Variants in OLFML1 observed in about 807,000 individuals in gnomAD.
OLFML1 encodes olfactomedin like 1, also known as olfactomedin-like protein 1.
OLFML1 carries 33 observed loss-of-function variants against 37.3 expected under a neutral mutation model. The ratio of observed to expected loss-of-function variants is 0.88; its 90% confidence interval spans 0.67 to 1.18. OLFML1 has a LOEUF of 1.18. OLFML1 is among the 50% of genes most tolerant of loss of function. The pLI is 0.00. For missense variants in OLFML1, 545 were observed against 483.7 expected (o/e 1.13, Z -1.19); for synonymous variants, 186 against 181.3 (o/e 1.03, Z -0.21).
chr11:7,500,444 C>T (rs894313650), intron 2 of OLFML1, among the ~76,000 whole-genome samples: 44 of 152,146 alleles, frequency 2.9e-4, no homozygotes, highest in Admixed American at 1.0e-3. Context: ...CATACATACA[C>T]GTCACCATGC....
At chr11:7,486,716 T>A (rs1281429201) in intron 1 of OLFML1, among the ~76,000 whole-genome samples, 1 of 152,238 alleles carries the variant, frequency 6.6e-6, no homozygotes, top group African/African-American at 2.4e-5. Flanking sequence ...TTATTCATAC[T>A]TAATGGCTTG....
At chr11:7,501,877 G>C (rs4542387) in intron 2 of OLFML1, among the ~76,000 whole-genome samples, 15,190 of 152,156 alleles carry the variant, frequency 0.1, 927 homozygotes, top group Admixed American at 0.16. Flanking sequence ...CCAACTCACT[G>C]AGTTAGGCAT....
At chr11:7,488,527 T>C in intron 2 of OLFML1, 112 bp downstream of exon 2, 1 of 781,708 alleles carries the variant, frequency 1.3e-6, no homozygotes, top group Non-Finnish European at 2.0e-6. Context: ...GAATTGGAGG[T>C]GTGCTTTTGT....
chr11:7,509,898 T>C lies in OLFML1; in HGVS notation c.919T>C (p.Ser307Pro), dbSNP rs1216072864. ...GCCGGGCACACTGGGAGTGGAGCAT[T>C]CATGGGATACCCCATGCAGAAGCCA... ...IEPGTLGVEHSWDTPCRSQDA... is the reference protein window; with the variant it reads ...IEPGTLGVEHPWDTPCRSQDA... Residue 307 changes from serine to proline, a missense_variant, in exon 3 of 3, where the codon TCA becomes CCA. Transcript: ENST00000329293. 6.2e-7 allele frequency: 1 copy of C among 1,614,088 alleles called. No homozygotes were observed. Among genetic ancestry groups the C allele is most frequent in the African/African-American group, 1.3e-5 (1 of 74,918 alleles).
At position 7,488,385 on chromosome 11, in the gene OLFML1, G is replaced by A. The variant is rs750648244; in HGVS notation, c.388G>A (p.Glu130Lys). 6.2e-7 allele frequency: 1 copy of A among 1,613,802 alleles called. No homozygotes were observed. The highest frequency in any genetic ancestry group is 8.5e-7 in the Non-Finnish European group (1 of 1,179,888). The change falls in exon 2 of 3, where the codon GAG (glutamate) becomes AAG (lysine). Residue 130 changes from glutamate to lysine, a missense_variant. Transcript: ENST00000329293. ...AEMLLQEAEEEKKIRTLLNAS... is the reference protein window; with the variant it reads ...AEMLLQEAEEKKKIRTLLNAS... ...AATGTTGCTCCAAGAAGCTGAAGAA[G>A]AGAAAAAGATCCGGACTCTGCTGAA... is the stretch of plus-strand genomic sequence containing the variant.
intron 2 of OLFML1, among the ~76,000 whole-genome samples, chr11:7,496,797 A>G (rs1452121010): frequency 3.9e-5 from 6 of 152,214 alleles, no homozygotes; most frequent in Admixed American, 6.5e-5. Flanking sequence ...GAATGGTTAC[A>G]ATGTTGTTGC....
chr11:7,488,199 T>C lies in OLFML1; in HGVS notation c.202T>C (p.Ser68Pro). 2 of 1,613,824 alleles carry C rather than the reference T, an allele frequency of 1.2e-6. No homozygotes were observed. The highest frequency in any genetic ancestry group is 1.7e-6 in the Non-Finnish European group (2 of 1,179,834). ...QEFQEFSKNISVMLGRCQTYT... is the reference protein window; with the variant it reads ...QEFQEFSKNIPVMLGRCQTYT... ...ATTCCAAGAGTTCTCAAAAAATATA[T>C]CTGTCATGCTGGGAAGATGTCAGAC... The change falls in exon 2 of 3, where the codon TCT (serine) becomes CCT (proline). Residue 68 changes from serine to proline, a missense_variant. By Grantham distance (74) the Ser-to-Pro change is moderately conservative. Coordinates refer to ENST00000329293, the MANE Select transcript of OLFML1 (RefSeq NM_198474.4).
intron 2 of OLFML1, among the ~76,000 whole-genome samples, chr11:7,507,651 T>C (rs2134188236): frequency 1.3e-5 from 2 of 151,986 alleles, no homozygotes; most frequent in South Asian, 4.2e-4. Context: ...TGGGTTCAAG[T>C]GATTCTCCTG....
At chr11:7,501,450 C>A (rs1424520644) in intron 2 of OLFML1, among the ~76,000 whole-genome samples, 2 of 152,232 alleles carry the variant, frequency 1.3e-5, no homozygotes, top group African/African-American at 2.4e-5. Flanking sequence ...GCTGATGAAG[C>A]ATGTCAGCAG....
In OLFML1 at chr11:7,509,878, G is replaced by T. The variant is rs1362630150; in HGVS notation, c.899G>T (p.Gly300Val). ...TTGGTTCTCACAAAGATTGAGCCGG[G>T]CACACTGGGAGTGGAGCATTCATGG... is the stretch of plus-strand genomic sequence containing the variant. ...SHLVLTKIEPGTLGVEHSWDT... is the reference protein window; with the variant it reads ...SHLVLTKIEPVTLGVEHSWDT... The change falls in exon 3 of 3, where the codon GGC (glycine) becomes GTC (valine). Residue 300 changes from glycine to valine, a missense_variant. Physicochemically the swap from Gly to Val is moderately radical, Grantham distance 109. Coordinates refer to ENST00000329293, the MANE Select transcript of OLFML1 (RefSeq NM_198474.4). 1.9e-6 allele frequency: 3 copies of T among 1,614,124 alleles called. No individual in the cohort carries two copies. Among genetic ancestry groups the T allele is most frequent in the Non-Finnish European group, 2.5e-6 (3 of 1,180,056 alleles).
chr11:7,500,528 C>G (rs1008503220), intron 2 of OLFML1, among the ~76,000 whole-genome samples: 1 of 152,150 alleles, frequency 6.6e-6, no homozygotes, highest in African/African-American at 2.4e-5. Flanking sequence ...CCCATCCCCA[C>G]GCTTTATGGC....
chr11:7,485,771 A>T lies in OLFML1; in HGVS notation c.-105A>T. 8.3e-7 allele frequency: 1 copy of T among 1,203,790 alleles called. No homozygotes were observed. The highest frequency in any genetic ancestry group is 1.2e-6 in the Non-Finnish European group (1 of 847,364). 74.6% of individuals were successfully genotyped at this position (1,203,790 alleles called of 1,614,324 possible). Reference sequence around the variant, plus strand: ...CTGTGCAAAACGCTGTTTTTAGAGGATTTGCCACAGCAGCGGATAGAGCAG... The same window carrying T: ...CTGTGCAAAACGCTGTTTTTAGAGGTTTTGCCACAGCAGCGGATAGAGCAG... On this transcript the variant is annotated 5_prime_UTR_variant, in exon 1 of 3. Coordinates refer to ENST00000329293, the MANE Select transcript of OLFML1 (RefSeq NM_198474.4).
Position 7,510,251 on chromosome 11 carries a change from T to C in OLFML1, c.*63T>C, listed in dbSNP as rs1848844922. On this transcript the variant is annotated 3_prime_UTR_variant, in exon 3 of 3. Transcript: ENST00000329293. ...CAGCTGTTCTACAGGACAGTGAGGC[T>C]ATAGCCCCTTCACAATATAGTATCC... 1 of 1,307,950 alleles carries C rather than the reference T, an allele frequency of 7.6e-7. No homozygotes were observed. The allele number at this position is 1,307,950 out of a possible 1,614,324, so 81.0% of individuals were successfully genotyped here.
At chr11:7,495,410 A>C (rs77222662) in intron 2 of OLFML1, among the ~76,000 whole-genome samples, 3,626 of 152,292 alleles carry the variant, frequency 0.024, 131 homozygotes, top group African/African-American at 0.082. Context: ...TGGTTTAAGT[A>C]TGAAAGTAAT....
At chr11:7,508,512 C>T (rs1411752350) in intron 2 of OLFML1, among the ~76,000 whole-genome samples, 1 of 152,192 alleles carries the variant, frequency 6.6e-6, no homozygotes, top group Non-Finnish European at 1.5e-5. Flanking sequence ...AAGGACATTT[C>T]CTTTCCCTAT....
chr11:7,490,132 T>TGGG (rs373866404), intron 2 of OLFML1, among the ~76,000 whole-genome samples: 31 of 37,980 alleles, frequency 8.2e-4, no homozygotes, highest in African/African-American at 2.1e-3. Context: ...TAGGCTTTGG[T>TGGG]GGGGGGGGGG....
chr11:7,497,560 C>T (rs1273756402), intron 2 of OLFML1, among the ~76,000 whole-genome samples: 1 of 152,148 alleles, frequency 6.6e-6, no homozygotes, highest in Non-Finnish European at 1.5e-5. Context: ...GACTCACACT[C>T]ATACCTCACA....
chr11:7,497,280 T>TG (rs1848674264), intron 2 of OLFML1, among the ~76,000 whole-genome samples: 1 of 152,202 alleles, frequency 6.6e-6, no homozygotes, highest in Non-Finnish European at 1.5e-5. Context: ...CATGCATCTG[T>TG]GAAAAAAAAC....
At chr11:7,500,157 T>C (rs1848703837) in intron 2 of OLFML1, among the ~76,000 whole-genome samples, 1 of 152,244 alleles carries the variant, frequency 6.6e-6, no homozygotes, top group South Asian at 2.1e-4. Context: ...CCTTCCAAAG[T>C]GCTGGGATTA....
Sources: gnomAD v4.1 joint callset for allele counts (sites outside exome capture counted in the v4.1 genomes callset) on GRCh38, gnomAD v4.1.1 for gene constraint, MANE v1.5 for transcripts, NCBI Gene and HGNC (gene_info 2026-07-23, HGNC 2026-07-21) for gene names.